NCKAP5: variants seen among roughly 807,000 people sequenced by gnomAD.
The protein encoded by NCKAP5 is NCK associated protein 5, also known as nck-associated protein 5.
Under a neutral mutation model 167.0 loss-of-function variants are expected in NCKAP5, and 92 were observed. The ratio of observed to expected loss-of-function variants is 0.55; its 90% CI spans 0.47 to 0.66. The LOEUF is 0.66. Ranked by LOEUF, NCKAP5 falls within the 30% of genes least tolerant of loss-of-function variation. NCKAP5 has a pLI of 0.00. For synonymous variants in NCKAP5, 891 were observed against 877.4 expected (o/e 1.02, Z -0.27); for missense variants, 2,378 against 2,315.0 (o/e 1.03, Z -0.56).
intron 6 of NCKAP5, among the ~76,000 whole-genome samples, chr2:133,112,356 C>G (rs2081944326): frequency 6.6e-6 from 1 of 152,070 alleles, no homozygotes; most frequent in South Asian, 2.1e-4. Flanking sequence ...TGCCTGTAGT[C>G]CTGGCTACTC....
chr2:133,083,920 C>A (rs2080896253), intron 6 of NCKAP5, among the ~76,000 whole-genome samples: 2 of 152,104 alleles, frequency 1.3e-5, no homozygotes, highest in Non-Finnish European at 2.9e-5. Context: ...TTCTGACTAT[C>A]AGAGATATAT....
chr2:133,528,693 T>C (rs1685115540), intron 2 of NCKAP5, among the ~76,000 whole-genome samples: 1 of 152,214 alleles, frequency 6.6e-6, no homozygotes, highest in South Asian at 2.1e-4. Flanking sequence ...CCAAGACAAC[T>C]ATGGCTTAGG....
the NCKAP5 span, among the ~76,000 whole-genome samples, chr2:133,600,498 G>A: frequency 0.16 from 24,297 of 152,258 alleles, 2,047 homozygotes; most frequent in East Asian, 0.3. Context: ...GCGCCTTTGA[G>A]AAATGCTCAC....
chr2:133,287,894 G>A (rs13002346), intron 4 of NCKAP5, among the ~76,000 whole-genome samples: 1 of 152,010 alleles, frequency 6.6e-6, no homozygotes, highest in African/African-American at 2.4e-5. Flanking sequence ...AGGTTAGTAG[G>A]GACGTGTGTG....
the NCKAP5 span, among the ~76,000 whole-genome samples, chr2:133,647,413 A>T: frequency 8.1e-6 from 1 of 123,888 alleles, no homozygotes; most frequent in Non-Finnish European, 1.6e-5. Flanking sequence ...GGAAGGAAGG[A>T]AGGAAGAGAA....
chr2:133,404,079 AGT>A (rs144768921), intron 3 of NCKAP5, among the ~76,000 whole-genome samples: 48 of 152,300 alleles, frequency 3.2e-4, no homozygotes, highest in African/African-American at 1.2e-3. Flanking sequence ...CCCCAGCTAT[AGT>A]GTCTCAGCTT....
intron 8 of NCKAP5, among the ~76,000 whole-genome samples, chr2:132,910,859 C>T (rs1439606125): frequency 1.3e-5 from 2 of 152,178 alleles, no homozygotes; most frequent in Non-Finnish European, 2.9e-5. Context: ...AAAGAAGACT[C>T]ATCCATTCTA....
chr2:133,306,454 T>C lies in NCKAP5; in HGVS notation c.70-3344A>G, dbSNP rs569730989. On this transcript the variant is annotated intron_variant, in intron 3 of 19. Transcript: ENST00000409261. ...TTACATAAGAAAGATATGTAAGCAT[T>C]TTAGAAAGAGCCTCAGACATGCTGA... Among the ~76,000 whole-genome samples, 8 of 152,294 alleles carry C rather than the reference T, an allele frequency of 5.3e-5. No individual in the cohort carries two copies. The South Asian group carries it at 1.7e-3, about 32-fold the overall frequency.
the NCKAP5 span, among the ~76,000 whole-genome samples, chr2:133,673,253 G>A: frequency 6.6e-6 from 1 of 152,032 alleles, no homozygotes; most frequent in Non-Finnish European, 1.5e-5. Context: ...TTTCTGCAAG[G>A]CTGTGCTTTT....
intron 5 of NCKAP5, among the ~76,000 whole-genome samples, chr2:133,180,579 T>C (rs1375981611): frequency 6.6e-6 from 1 of 152,082 alleles, no homozygotes; most frequent in Non-Finnish European, 1.5e-5. Context: ...GCTCAGGCCA[T>C]CCATCCGCCT....
At chr2:132,913,029 C>A (rs182589324) in intron 8 of NCKAP5, among the ~76,000 whole-genome samples, 6 of 152,212 alleles carry the variant, frequency 3.9e-5, no homozygotes, top group Admixed American at 3.9e-4. Context: ...TGCCCTCAAA[C>A]TACTACGGTC....
intron 3 of NCKAP5, among the ~76,000 whole-genome samples, chr2:133,421,940 C>G (rs985233912): frequency 6.6e-6 from 1 of 152,226 alleles, no homozygotes; most frequent in Non-Finnish European, 1.5e-5. Context: ...TTATCTAGTG[C>G]CTTCCACTCA....
intron 5 of NCKAP5, among the ~76,000 whole-genome samples, chr2:133,190,259 T>A (rs1178178598): frequency 6.6e-6 from 1 of 152,106 alleles, no homozygotes; most frequent in Non-Finnish European, 1.5e-5. Flanking sequence ...AAACCACTGT[T>A]CAATGAAATA....
chr2:132,878,089 G>A (rs2148808457), intron 9 of NCKAP5, among the ~76,000 whole-genome samples: 2 of 152,260 alleles, frequency 1.3e-5, no homozygotes, highest in African/African-American at 4.8e-5. Context: ...ATGGCCAATC[G>A]TGGCAGGGAG....
At chr2:133,017,293 G>T (rs1316659514) in intron 6 of NCKAP5, among the ~76,000 whole-genome samples, 1 of 152,052 alleles carries the variant, frequency 6.6e-6, no homozygotes, top group Non-Finnish European at 1.5e-5. Context: ...CATTCTTCTG[G>T]CATTTCACAT....
chr2:132,911,344 G>A, intron 8 of NCKAP5: 1 of 152,102 alleles, frequency 6.6e-6, no homozygotes, highest in East Asian at 1.9e-4. Flanking sequence ...TGTCCAGCTA[G>A]GAAATCAATT....
chr2:132,821,728 C>A (rs1016235390), intron 11 of NCKAP5, among the ~76,000 whole-genome samples: 5 of 152,108 alleles, frequency 3.3e-5, no homozygotes, highest in Non-Finnish European at 5.9e-5. Context: ...TCACCAACTG[C>A]CTGGGAGCTG....
chr2:132,884,380 C>T (rs1453055854), intron 8 of NCKAP5, among the ~76,000 whole-genome samples: 7 of 152,164 alleles, frequency 4.6e-5, no homozygotes, highest in African/African-American at 9.7e-5. Context: ...GAAGCTTTTC[C>T]GTCTCTGCAG....
intron 6 of NCKAP5, among the ~76,000 whole-genome samples, chr2:133,040,862 C>A (rs1230347045): frequency 6.6e-6 from 1 of 152,148 alleles, no homozygotes; most frequent in Non-Finnish European, 1.5e-5. Flanking sequence ...ACATGCAATA[C>A]AGGCAGCATT....
Sources: gnomAD v4.1 joint callset for allele counts (sites outside exome capture counted in the v4.1 genomes callset) on GRCh38, gnomAD v4.1.1 for gene constraint, MANE v1.5 for transcripts, NCBI Gene and HGNC (gene_info 2026-07-23, HGNC 2026-07-21) for gene names.